Variants in CUBN observed in about 807,000 individuals in gnomAD.
CUBN encodes cubilin.
Under a neutral mutation model 405.3 loss-of-function variants are expected in CUBN, and 282 were observed. That is an observed-to-expected ratio of 0.70 (90% CI 0.63 to 0.77). The LOEUF is 0.77. Ranked by LOEUF, CUBN falls within the 30% of genes least tolerant of loss-of-function variation. The pLI is 0.00. For synonymous variants in CUBN, 1,684 were observed against 1,617.0 expected (o/e 1.04, Z -0.99); for missense variants, 4,514 against 4,475.2 (o/e 1.01, Z -0.25).
intron 1 of CUBN, 65 bp from the exon 2 acceptor site, chr10:17,129,315 A>C: frequency 1.3e-6 from 2 of 1,562,014 alleles, no homozygotes; most frequent in Non-Finnish European, 1.8e-6. Flanking sequence ...CCAAAATAAC[A>C]AAGTTTCTTA....
chr10:17,020,121 G>T, intron 27 of CUBN, 138 bp from the exon 28 acceptor site: 4 of 837,010 alleles, frequency 4.8e-6, no homozygotes, highest in Non-Finnish European at 8.0e-6. Flanking sequence ...TGAGTACACA[G>T]AACTCAACAT....
At chr10:16,946,148 C>A (rs1842773809) in intron 36 of CUBN, among the ~76,000 whole-genome samples, 1 of 152,158 alleles carries the variant, frequency 6.6e-6, no homozygotes, top group Non-Finnish European at 1.5e-5. Context: ...GTAAAATAGA[C>A]TGGTAAATAA....
At chr10:17,039,221 A>G (rs1834964423) in intron 27 of CUBN, among the ~76,000 whole-genome samples, 1 of 152,204 alleles carries the variant, frequency 6.6e-6, no homozygotes, top group Admixed American at 6.5e-5. Context: ...CAAGATCATG[A>G]GTCCTATTTT....
At chr10:17,070,956 C>A (rs1835725880) in intron 19 of CUBN, among the ~76,000 whole-genome samples, 1 of 152,106 alleles carries the variant, frequency 6.6e-6, no homozygotes, top group South Asian at 2.1e-4. Context: ...AGGGGCAAAG[C>A]ATTTAGTGTT....
chr10:17,020,640 T>C (rs893644889), intron 27 of CUBN, among the ~76,000 whole-genome samples: 4 of 152,212 alleles, frequency 2.6e-5, no homozygotes, highest in East Asian at 1.9e-4. Flanking sequence ...CATTTGTATA[T>C]ATGTGTAATA....
intron 9 of CUBN, 53 bp downstream of exon 9, chr10:17,110,866 G>T: frequency 6.2e-7 from 1 of 1,612,738 alleles, no homozygotes; most frequent in South Asian, 1.1e-5. Context: ...GTATTCCTAT[G>T]TCTGTGTTCC....
chr10:17,010,958 G>A (rs1834163557), intron 28 of CUBN, among the ~76,000 whole-genome samples: 1 of 152,206 alleles, frequency 6.6e-6, no homozygotes, highest in African/African-American at 2.4e-5. Flanking sequence ...AATGTTAAGA[G>A]TCAACCACTG....
chr10:16,865,846 G>A (rs1840168823), intron 59 of CUBN, among the ~76,000 whole-genome samples: 1 of 152,098 alleles, frequency 6.6e-6, no homozygotes, highest in Non-Finnish European at 1.5e-5. Context: ...AATAAACCCT[G>A]CTACCGCTCA....
rs761557875 is a variant in CUBN at position 17,071,542 on chromosome 10, G to T, written c.2509C>A (p.Pro837Thr). The change falls in exon 19 of 67, where the codon CCT becomes ACT. Residue 837 changes from proline (P) to threonine (T), a missense_variant. Around this residue, in one of 5 missense-constraint regions of CUBN, gnomAD observed 1,448 missense variants for 1,388.0 expected, o/e 1.04. Coordinates refer to ENST00000377833, the MANE Select transcript of CUBN (RefSeq NM_001081.4). ...GTCCACCTACAGGTTCTTTCTCCAG[G>T]ATACACGTTAGGAAAAAAAGGCGAG... ...IRSPFFPNVY[P>T]GERTCRWTIH... 1.9e-6 allele frequency: 3 copies of T among 1,613,680 alleles called. No individual in the cohort carries two copies. Among genetic ancestry groups the T allele is most frequent in the African/African-American group, 2.7e-5 (2 of 74,816 alleles).
At chr10:16,858,451 G>A (rs1839925540) in intron 59 of CUBN, among the ~76,000 whole-genome samples, 1 of 151,966 alleles carries the variant, frequency 6.6e-6, no homozygotes, top group South Asian at 2.1e-4. Context: ...CTCCCAGTTA[G>A]CTAGGACCAC....
At chr10:16,883,133 C>T (rs1489140750) in intron 56 of CUBN, among the ~76,000 whole-genome samples, 2 of 152,110 alleles carry the variant, frequency 1.3e-5, no homozygotes, top group East Asian at 3.8e-4. Context: ...TAGGCAGAGG[C>T]ACATGAATTA....
At chr10:16,843,869 A>G (rs1369976912) in intron 60 of CUBN, among the ~76,000 whole-genome samples, 1 of 152,230 alleles carries the variant, frequency 6.6e-6, no homozygotes, top group African/African-American at 2.4e-5. Flanking sequence ...TATAAATTAT[A>G]TACAAAATAG....
intron 22 of CUBN, among the ~76,000 whole-genome samples, chr10:17,056,418 G>C (rs1835397623): frequency 6.6e-6 from 1 of 151,998 alleles, no homozygotes. Flanking sequence ...AGACCATCTT[G>C]GCTAACACGG....
intron 7 of CUBN, among the ~76,000 whole-genome samples, chr10:17,115,015 G>A (rs534498201): frequency 2.5e-4 from 38 of 152,222 alleles, no homozygotes; most frequent in African/African-American, 8.2e-4. Context: ...GGGCTGAGGC[G>A]GGTGGATCAC....
chr10:16,879,927 C>T (rs1840620279), intron 56 of CUBN, among the ~76,000 whole-genome samples: 1 of 152,224 alleles, frequency 6.6e-6, no homozygotes, highest in South Asian at 2.1e-4. Flanking sequence ...AGCCATCTCT[C>T]TTTCTGATGT....
intron 59 of CUBN, among the ~76,000 whole-genome samples, chr10:16,851,945 C>CATCTTTCCCTCCCTCA (rs1839710236): frequency 9.7e-6 from 1 of 103,002 alleles, no homozygotes; most frequent in South Asian, 4.2e-4. Context: ...TCCCTCCCTC[C>CATCTTTCCCTCCCTCA]ATCTTTCCCT....
intron 11 of CUBN, 50 bp downstream of exon 11, chr10:17,105,407 G>GA: frequency 9.5e-7 from 1 of 1,054,478 alleles, no homozygotes; most frequent in Middle Eastern, 2.0e-4. Flanking sequence ...TTATAGGCGT[G>GA]AAACTAATTC....
intron 27 of CUBN, among the ~76,000 whole-genome samples, chr10:17,036,938 T>C (rs930954115): frequency 6.6e-6 from 1 of 152,132 alleles, no homozygotes; most frequent in Non-Finnish European, 1.5e-5. Context: ...AGCATCGGTG[T>C]GGAGTTACAG....
intron 14 of CUBN, among the ~76,000 whole-genome samples, chr10:17,091,250 G>GT (rs1436034134): frequency 2.6e-5 from 4 of 152,138 alleles, no homozygotes; most frequent in African/African-American, 7.2e-5. Context: ...ACGGAAAAGT[G>GT]TTTCATTTTT....
Sources: gnomAD v4.1 joint callset for allele counts (sites outside exome capture counted in the v4.1 genomes callset) on GRCh38, gnomAD v4.1.1 for gene constraint, gnomAD v4.1.1 regional missense constraint, MANE v1.5 for transcripts, NCBI Gene and HGNC (gene_info 2026-07-23, HGNC 2026-07-21) for gene names.